Variants in COL24A1 observed in about 807,000 individuals in gnomAD.
COL24A1 encodes collagen type XXIV alpha 1 chain.
Under a neutral mutation model 253.9 loss-of-function variants are expected in COL24A1, and 224 were observed. The observed-to-expected ratio is 0.88, with a 90% CI of 0.79 to 0.99. The LOEUF is 0.99. COL24A1 is among the 50% of genes least tolerant of loss of function. The pLI is 0.00. For missense variants in COL24A1, 2,131 were observed against 2,068.5 expected, an observed-to-expected ratio of 1.03 and a Z score of -0.59; for synonymous variants, 685 against 673.7, an observed-to-expected ratio of 1.02 and a Z score of -0.26.
intron 7 of COL24A1, among the ~76,000 whole-genome samples, chr1:86,071,096 A>C (rs907797903): frequency 6.6e-6 from 1 of 152,174 alleles, no homozygotes; most frequent in African/African-American, 2.4e-5. Flanking sequence ...TGGGGAAATG[A>C]AGTTAAGGCA....
intron 55 of COL24A1, among the ~76,000 whole-genome samples, chr1:85,756,350 C>T (rs1332280306): frequency 6.6e-6 from 1 of 151,778 alleles, no homozygotes; most frequent in Non-Finnish European, 1.5e-5. Flanking sequence ...ACCTGGGAGG[C>T]AGAGGTTGCC....
chr1:86,136,182 A>T (rs930879361), intron 2 of COL24A1, among the ~76,000 whole-genome samples: 6 of 152,150 alleles, frequency 3.9e-5, no homozygotes, highest in Admixed American at 2.6e-4. Context: ...GCATTTTCTG[A>T]GATCTGTCCC....
At chr1:85,801,180 G>C (rs1360129981) in intron 47 of COL24A1, among the ~76,000 whole-genome samples, 2 of 152,000 alleles carry the variant, frequency 1.3e-5, no homozygotes, top group Non-Finnish European at 2.9e-5. Flanking sequence ...TTAAATGTTA[G>C]AGTTCCTCAC....
At chr1:85,941,229 T>C (rs1571305665) in intron 24 of COL24A1, among the ~76,000 whole-genome samples, 1 of 152,280 alleles carries the variant, frequency 6.6e-6, no homozygotes, top group South Asian at 2.1e-4. Context: ...CTATATTTCT[T>C]CCATGCAGAC....
chr1:85,825,968 C>T (rs1313876566), intron 43 of COL24A1, among the ~76,000 whole-genome samples: 5 of 86,172 alleles, frequency 5.8e-5, no homozygotes, highest in Non-Finnish European at 1.0e-4. Flanking sequence ...GTTGCCATTG[C>T]TTTTGGTGTT....
chr1:85,777,508 A>G (rs1439573610), intron 52 of COL24A1, among the ~76,000 whole-genome samples: 1 of 152,194 alleles, frequency 6.6e-6, no homozygotes, highest in East Asian at 1.9e-4. Context: ...ATTCTTTTAA[A>G]CAATTGCATA....
chr1:85,904,405 GT>G (rs1453380622), intron 28 of COL24A1, among the ~76,000 whole-genome samples: 1 of 152,132 alleles, frequency 6.6e-6, no homozygotes, highest in African/African-American at 2.4e-5. Flanking sequence ...AGAGTTCCAT[GT>G]GCAGCTGATG....
rs1680080416 is a variant in COL24A1 at position 85,868,827 on chromosome 1, T to C, written c.3147A>G (p.Pro1049=). The C allele has an allele frequency of 2.5e-6, 4 of 1,588,522 alleles. No individual in the cohort carries two copies. The highest frequency in any genetic ancestry group is 2.6e-6 in the Non-Finnish European group (3 of 1,168,556). ...GTGEPGLRGE[P]GAPGEEGLQG... is the part of the protein sequence containing the mutation. ...GGAGACCTTCTTCTCCAGGAGCTCC[T>C]GGTTCACCCTATTTTGTAGCAGAAA... Residue 1049 remains proline (P), a synonymous_variant, in exon 36 of 60, where the codon CCA becomes CCG. Coordinates refer to ENST00000370571, the MANE Select transcript of COL24A1 (RefSeq NM_152890.7).
intron 7 of COL24A1, among the ~76,000 whole-genome samples, chr1:86,065,925 C>T (rs962671600): frequency 3.3e-5 from 5 of 151,948 alleles, no homozygotes; most frequent in Admixed American, 2.0e-4. Flanking sequence ...AGAGTAGGGT[C>T]GCTGAGATGC....
chr1:85,994,485 A>G (rs2100993672), intron 19 of COL24A1, among the ~76,000 whole-genome samples: 1 of 151,940 alleles, frequency 6.6e-6, no homozygotes, highest in East Asian at 1.9e-4. Context: ...GTAAGAATGT[A>G]TGCAGAGGGA....
chr1:86,066,646 T>C (rs1701513768), intron 7 of COL24A1, among the ~76,000 whole-genome samples: 1 of 152,212 alleles, frequency 6.6e-6, no homozygotes, highest in African/African-American at 2.4e-5. Flanking sequence ...TCAAGCCATC[T>C]TGATCTGTTC....
At chr1:85,889,106 TG>T (rs1682831114) in intron 32 of COL24A1, among the ~76,000 whole-genome samples, 1 of 152,156 alleles carries the variant, frequency 6.6e-6, no homozygotes, top group South Asian at 2.1e-4. Context: ...TTTGTATTGA[TG>T]CAAGCTTTTG....
intron 12 of COL24A1, among the ~76,000 whole-genome samples, chr1:86,040,830 G>A (rs1699423961): frequency 6.6e-6 from 1 of 152,046 alleles, no homozygotes; most frequent in South Asian, 2.1e-4. Flanking sequence ...AGCTAGAGTT[G>A]TACTTTATGA....
At chr1:85,844,774 T>C (rs1676990166) in intron 39 of COL24A1, among the ~76,000 whole-genome samples, 1 of 151,994 alleles carries the variant, frequency 6.6e-6, no homozygotes, top group South Asian at 2.1e-4. Context: ...CAAAAATTTA[T>C]TCCAGAAGAT....
chr1:85,775,730 G>T, intron 52 of COL24A1, 21 bp from the exon 53 acceptor site: 1 of 1,589,034 alleles, frequency 6.3e-7, no homozygotes, highest in Non-Finnish European at 8.6e-7. Context: ...AAAAAAAGAT[G>T]TTAGTTCATT....
intron 24 of COL24A1, among the ~76,000 whole-genome samples, chr1:85,945,750 T>C (rs559094954): frequency 6.6e-6 from 1 of 151,596 alleles, no homozygotes; most frequent in African/African-American, 2.4e-5. Context: ...TATAGGCAAC[T>C]TAAGTGACTA....
chr1:85,893,650 T>C (rs571810074), intron 31 of COL24A1, among the ~76,000 whole-genome samples: 84 of 152,262 alleles, frequency 5.5e-4, no homozygotes, highest in African/African-American at 1.5e-3. Context: ...ACAGTGTTGG[T>C]CCACGGACAA....
chr1:85,875,884 G>A (rs569662342), intron 33 of COL24A1, among the ~76,000 whole-genome samples: 1 of 151,884 alleles, frequency 6.6e-6, no homozygotes, highest in Non-Finnish European at 1.5e-5. Context: ...CAGGCCTAAA[G>A]TTCCTACTAT....
Position 85,777,548 on chromosome 1 carries a change from TACTC to T in COL24A1, c.4339-1843_4339-1840del, listed in dbSNP as rs1402349259. On this transcript the variant is annotated intron_variant, in intron 52 of 59. Coordinates refer to ENST00000370571, the MANE Select transcript of COL24A1 (RefSeq NM_152890.7). ...TCCATGAAATGGCTAACCTATAACT[TACTC>T]AATCATTCCTTTAGAAATGAGTATT... is the stretch of plus-strand genomic sequence containing the variant. Among the ~76,000 whole-genome samples, 25 of 152,314 alleles carry T rather than the reference TACTC, an allele frequency of 1.6e-4. 1 individual carries two copies. Among genetic ancestry groups the T allele is most frequent in the African/African-American group, 3.6e-4 (15 of 41,586 alleles).
Sources: allele counts gnomAD v4.1 joint callset (sites outside exome capture counted in the v4.1 genomes callset), GRCh38; gene constraint gnomAD v4.1.1; transcripts MANE v1.5; gene names NCBI Gene and HGNC (gene_info 2026-07-23, HGNC 2026-07-21).